PDE1C: variants seen among roughly 807,000 people sequenced by gnomAD.
PDE1C encodes phosphodiesterase 1C, also known as dual specificity calcium/calmodulin-dependent 3',5'-cyclic nucleotide phosphodiesterase 1C.
In PDE1C, 62 loss-of-function variants were observed where a neutral mutation model predicts 93.1. That is an observed-to-expected ratio of 0.67 (90% CI 0.54 to 0.82). The LOEUF is 0.82. PDE1C is among the 40% of genes least tolerant of loss of function. The pLI is 0.00. For synonymous variants in PDE1C, 325 were observed against 310.1 expected (o/e 1.05, Z -0.50); for missense variants, 742 against 884.6 (o/e 0.84, Z 2.04).
intron 17 of PDE1C, among the ~76,000 whole-genome samples, chr7:31,758,359 G>A (rs1465665936): frequency 6.6e-6 from 1 of 151,844 alleles, no homozygotes; most frequent in African/African-American, 2.4e-5. Context: ...ATACTTATGA[G>A]GTACCCATAC....
At chr7:32,203,307 T>G (rs1395269925) in intron 2 of PDE1C, among the ~76,000 whole-genome samples, 1 of 152,146 alleles carries the variant, frequency 6.6e-6, no homozygotes. Flanking sequence ...ACAACTGATC[T>G]AGTAAAGTTC....
intron 1 of PDE1C, among the ~76,000 whole-genome samples, chr7:32,370,925 G>A (rs1442247741): frequency 1.3e-5 from 2 of 151,208 alleles, no homozygotes; most frequent in African/African-American, 4.9e-5. Flanking sequence ...CAGCATAGAT[G>A]AAAACATTAT....
chr7:32,415,408 G>A (rs1044193853), intron 1 of PDE1C, among the ~76,000 whole-genome samples: 6 of 152,006 alleles, frequency 3.9e-5, no homozygotes, highest in African/African-American at 7.3e-5. Flanking sequence ...CCGAGATCAC[G>A]CCACTGCACT....
Position 32,134,936 on chromosome 7 carries a change from A to C in PDE1C, c.308+34849T>G, listed in dbSNP as rs553470875. Reference sequence around the variant, plus strand: ...AACTTAATGTGTAATAAATAAATAAATAAATAGTTAACTGTGTAGCATGCA... The same window carrying C: ...AACTTAATGTGTAATAAATAAATAACTAAATAGTTAACTGTGTAGCATGCA... On this transcript the variant is annotated intron_variant, in intron 3 of 18. Transcript: ENST00000396193. Among the ~76,000 whole-genome samples the C allele has an allele frequency of 2.0e-5, 3 of 152,298 alleles. No individual in the cohort carries two copies. The South Asian group carries it at 6.2e-4, about 32-fold the overall frequency.
At chr7:32,081,994 G>A (rs1222884214) in intron 3 of PDE1C, among the ~76,000 whole-genome samples, 1 of 152,138 alleles carries the variant, frequency 6.6e-6, no homozygotes, top group Non-Finnish European at 1.5e-5. Context: ...TCACTAGGGA[G>A]TGCCAGATAG....
At chr7:32,381,129 CTCTT>C (rs889714189) in intron 1 of PDE1C, among the ~76,000 whole-genome samples, 5 of 151,784 alleles carry the variant, frequency 3.3e-5, no homozygotes, top group African/African-American at 9.7e-5. Flanking sequence ...CTTGACTTCT[CTCTT>C]TCTTTCATTC....
At chr7:32,199,602 T>A (rs1378039350) in intron 2 of PDE1C, among the ~76,000 whole-genome samples, 2 of 152,250 alleles carry the variant, frequency 1.3e-5, no homozygotes. Flanking sequence ...GTTGGGGTTT[T>A]ATGCTATATT....
chr7:32,067,134 G>A (rs541694593), intron 1 of PDE1C, among the ~76,000 whole-genome samples: 1 of 152,272 alleles, frequency 6.6e-6, no homozygotes, highest in South Asian at 2.1e-4. Flanking sequence ...AGCTAAGATA[G>A]AGTGTTTAAA....
chr7:31,967,457 G>C (rs966531537), intron 2 of PDE1C, among the ~76,000 whole-genome samples: 1 of 152,180 alleles, frequency 6.6e-6, no homozygotes, highest in Non-Finnish European at 1.5e-5. Flanking sequence ...CTGAAATTGA[G>C]GCAATAATTA....
At chr7:32,371,176 C>G (rs1784325669) in intron 1 of PDE1C, among the ~76,000 whole-genome samples, 1 of 152,026 alleles carries the variant, frequency 6.6e-6, no homozygotes, top group Non-Finnish European at 1.5e-5. Flanking sequence ...CCTATCTTCT[C>G]CCACCAAAAA....
intron 1 of PDE1C, among the ~76,000 whole-genome samples, chr7:32,288,688 T>C (rs2128895955): frequency 6.6e-6 from 1 of 152,266 alleles, no homozygotes; most frequent in South Asian, 2.1e-4. Flanking sequence ...TTAAGGTGAG[T>C]CACTAGATAC....
chr7:31,697,183 G>A, the PDE1C span: 30 of 1,572,228 alleles, frequency 1.9e-5, no homozygotes, highest in Non-Finnish European at 2.6e-5. Flanking sequence ...TTACCATCTG[G>A]AGGTCCCCAG....
chr7:31,675,816 G>T, the PDE1C span, among the ~76,000 whole-genome samples: 2 of 152,068 alleles, frequency 1.3e-5, no homozygotes, highest in African/African-American at 4.8e-5. Flanking sequence ...CTATCACTAA[G>T]TTAGCCACTT....
the PDE1C span, among the ~76,000 whole-genome samples, chr7:31,635,370 A>G: frequency 6.6e-6 from 1 of 152,200 alleles, no homozygotes; most frequent in Non-Finnish European, 1.5e-5. Flanking sequence ...AAAACGATTG[A>G]CATGCAGGCA....
intron 1 of PDE1C, among the ~76,000 whole-genome samples, chr7:32,240,122 C>A (rs985990705): frequency 2.6e-5 from 4 of 152,168 alleles, no homozygotes; most frequent in African/African-American, 7.2e-5. Flanking sequence ...CTGTTTGTTA[C>A]GGCAGCATAA....
chr7:32,129,539 A>G (rs1799806541), intron 3 of PDE1C, among the ~76,000 whole-genome samples: 1 of 151,780 alleles, frequency 6.6e-6, no homozygotes, highest in South Asian at 2.1e-4. Flanking sequence ...TTAAAATATA[A>G]TAAATAACCC....
In PDE1C at chr7:31,753,307, G is replaced by A. The variant is rs1455566255; in HGVS notation, c.*77C>T. ...AACAGCCTCCAAGGGTCTTGGAGGT[G>A]TGTCCTGCTGTGGCCAGTGGGTGCT... On this transcript the variant is annotated 3_prime_UTR_variant, in exon 18 of 18. Coordinates refer to ENST00000396191, the MANE Select transcript of PDE1C (RefSeq NM_001191057.4). The A allele has an allele frequency of 1.3e-6, 2 of 1,528,546 alleles. No individual in the cohort carries two copies. The highest frequency in any genetic ancestry group is 1.8e-4 in the Middle Eastern group (1 of 5,676). The allele number at this position is 1,528,546 out of a possible 1,614,324, so 94.7% of individuals were successfully genotyped here.
intron 2 of PDE1C, among the ~76,000 whole-genome samples, chr7:31,927,542 G>A (rs1297694019): frequency 6.6e-6 from 1 of 152,152 alleles, no homozygotes; most frequent in East Asian, 1.9e-4. Context: ...CCTCATACAG[G>A]AAAGCTCCAG....
chr7:31,741,065 A>G, the PDE1C span, among the ~76,000 whole-genome samples: 1 of 151,778 alleles, frequency 6.6e-6, no homozygotes, highest in Non-Finnish European at 1.5e-5. Flanking sequence ...CTGTCTCAAA[A>G]AAAAAAAAAA....
Sources: gnomAD v4.1 joint callset for allele counts (sites outside exome capture counted in the v4.1 genomes callset) on GRCh38, gnomAD v4.1.1 for gene constraint, MANE v1.5 for transcripts, NCBI Gene and HGNC (gene_info 2026-07-23, HGNC 2026-07-21) for gene names.